The following FRMPD2 variants were observed in gnomAD, a reference collection of about 807,000 sequenced individuals.
FRMPD2 encodes the protein FERM and PDZ domain-containing protein 2.
In FRMPD2, 96 loss-of-function variants were observed where a neutral mutation model predicts 140.1. The ratio of observed to expected loss-of-function variants is 0.69; its 90% CI spans 0.58 to 0.81. FRMPD2 has a LOEUF of 0.81. Ranked by LOEUF, FRMPD2 falls within the 40% of genes least tolerant of loss-of-function variation. The probability of loss-of-function intolerance (pLI) is 0.00; values close to 1 mark genes in which losing one functional copy is unlikely to be tolerated. For synonymous variants in FRMPD2, 449 were observed against 547.6 expected, an observed-to-expected ratio of 0.82 and a Z score of 2.52; for missense variants, 1,240 against 1,447.4, an observed-to-expected ratio of 0.86 and a Z score of 2.32.
Position 48,262,850 on chromosome 10 carries a change from C to G in FRMPD2, c.26-11159G>C, listed in dbSNP as rs538591272. ...AGTACAGTGGTGCAATCTTGGCTCACTAGTAACCTCCACCTCCTGGGTTCA... is the reference window on the plus strand; with the variant it reads ...AGTACAGTGGTGCAATCTTGGCTCAGTAGTAACCTCCACCTCCTGGGTTCA... On this transcript the variant is annotated intron_variant, in intron 1 of 28. Transcript: ENST00000374201. 3.3e-5 allele frequency among the ~76,000 whole-genome samples: 5 copies of G among 152,212 alleles called. No individual in the cohort carries two copies. The South Asian group carries it at 1.0e-3, about 32-fold the overall frequency.
chr10:48,206,786 G>T lies in FRMPD2; in HGVS notation c.1759C>A (p.Arg587=). The T allele has an allele frequency of 1.2e-6, 2 of 1,613,984 alleles. No homozygotes were observed. Among genetic ancestry groups the T allele is most frequent in the South Asian group, 2.2e-5 (2 of 91,060 alleles). ...VKNNSRIAML[R]FQWRETGKIS... is the part of the protein sequence containing the mutation. ...TTCCCGGTTTCTCTCCACTGAAACC[G>T]TAACATTGCAATTCTGCTGTTGTTT... Residue 587 remains arginine (R), a synonymous_variant, in exon 14 of 29, where the codon CGG becomes AGG. Transcript: ENST00000374201.
Position 48,241,927 on chromosome 10 carries a change from G to A in FRMPD2, c.567+234C>T, listed in dbSNP as rs140725515. Reference sequence around the variant, plus strand: ...GTGACAAACTGGGGCTTGCCTAAAGGTCTTTGTTAGCACTGCCCAATAGAA... The same window carrying A: ...GTGACAAACTGGGGCTTGCCTAAAGATCTTTGTTAGCACTGCCCAATAGAA... On this transcript the variant is annotated intron_variant, in intron 5 of 28. Transcript: ENST00000374201. 198 of 306,328 alleles carry A rather than the reference G, an allele frequency of 6.5e-4. 1 individual carries two copies. The highest frequency in any genetic ancestry group is 3.8e-3 in the African/African-American group (181 of 47,280). The allele number at this position is 306,328 out of a possible 1,614,324, so 19.0% of individuals were successfully genotyped here.
chr10:48,182,355 A>G (rs974845050), intron 20 of FRMPD2, among the ~76,000 whole-genome samples: 14 of 152,182 alleles, frequency 9.2e-5, no homozygotes, highest in Non-Finnish European at 1.8e-4. Context: ...CCATGCTGCA[A>G]CTGGTGTCCT....
At chr10:48,182,859 G>A (rs1838585064) in intron 20 of FRMPD2, among the ~76,000 whole-genome samples, 1 of 152,216 alleles carries the variant, frequency 6.6e-6, no homozygotes, top group African/African-American at 2.4e-5. Flanking sequence ...TGGTTTGACT[G>A]CTCCTGTCAG....
intron 10 of FRMPD2, among the ~76,000 whole-genome samples, chr10:48,230,588 A>G (rs1420019980): frequency 6.6e-6 from 1 of 152,232 alleles, no homozygotes; most frequent in Non-Finnish European, 1.5e-5. Flanking sequence ...TTAGTAAACA[A>G]ATTTGTCTTA....
intron 1 of FRMPD2, among the ~76,000 whole-genome samples, chr10:48,255,999 T>C (rs989870638): frequency 2.0e-5 from 3 of 152,196 alleles, no homozygotes; most frequent in African/African-American, 7.2e-5. Context: ...GTAGGAGCAG[T>C]ATGAATCTTG....
At chr10:48,210,584 A>T (rs1027024026) in intron 13 of FRMPD2, among the ~76,000 whole-genome samples, 1 of 152,082 alleles carries the variant, frequency 6.6e-6, no homozygotes, top group African/African-American at 2.4e-5. Context: ...CTCTGTGACC[A>T]CTCATTATCA....
At chr10:48,224,495 C>T (rs1839679293) in intron 10 of FRMPD2, among the ~76,000 whole-genome samples, 1 of 152,186 alleles carries the variant, frequency 6.6e-6, no homozygotes, top group South Asian at 2.1e-4. Context: ...TGTCACCACA[C>T]CACACTCAGA....
At chr10:48,217,560 A>G (rs539633613) in intron 12 of FRMPD2, among the ~76,000 whole-genome samples, 52 of 152,318 alleles carry the variant, frequency 3.4e-4, no homozygotes, top group African/African-American at 1.2e-3. Context: ...CATTTTTAAA[A>G]CGAATGAGAA....
Position 48,196,504 on chromosome 10 carries a change from C to A in FRMPD2, c.1955-3610G>T, listed in dbSNP as rs553701462. On this transcript the variant is annotated intron_variant, in intron 15 of 28. Coordinates refer to ENST00000374201, the MANE Select transcript of FRMPD2 (RefSeq NM_001018071.4). ...ATCTCTCTCTGTCTGTTTTTGGTGA[C>A]AAGTGGGGTGGGAAGAGAGGGTGCA... 2.6e-5 allele frequency among the ~76,000 whole-genome samples: 4 copies of A among 152,236 alleles called. No individual in the cohort carries two copies. The South Asian group carries it at 8.3e-4, about 32-fold the overall frequency.
chr10:48,235,415 A>G (rs1414075832), intron 9 of FRMPD2, among the ~76,000 whole-genome samples: 1 of 152,224 alleles, frequency 6.6e-6, no homozygotes, highest in African/African-American at 2.4e-5. Flanking sequence ...CAACACTTTC[A>G]GGACTCAGGT....
At chr10:48,183,722 C>T (rs978922687) in intron 20 of FRMPD2, among the ~76,000 whole-genome samples, 2 of 151,628 alleles carry the variant, frequency 1.3e-5, no homozygotes, top group African/African-American at 2.4e-5. Flanking sequence ...TGTGGCAGCG[C>T]GTGCCTGTAA....
At chr10:48,255,387 T>A (rs1010446864) in intron 1 of FRMPD2, among the ~76,000 whole-genome samples, 2 of 152,208 alleles carry the variant, frequency 1.3e-5, no homozygotes, top group African/African-American at 4.8e-5. Context: ...GCCCTTGATC[T>A]TTAGTGCTTC....
At chr10:48,181,907 C>CACACACACACACAT (rs1838562058) in intron 20 of FRMPD2, among the ~76,000 whole-genome samples, 1 of 138,722 alleles carries the variant, frequency 7.2e-6, no homozygotes, top group Non-Finnish European at 1.6e-5. Flanking sequence ...CACACACACA[C>CACACACACACACAT]ACACAGACAC....
intron 1 of FRMPD2, among the ~76,000 whole-genome samples, chr10:48,261,694 C>G (rs1020522308): frequency 2.0e-5 from 3 of 152,126 alleles, no homozygotes; most frequent in Non-Finnish European, 2.9e-5. Context: ...AAGAGAAACT[C>G]AGATCTTAAG....
At chr10:48,224,558 C>T (rs968500901) in intron 10 of FRMPD2, among the ~76,000 whole-genome samples, 1 of 152,208 alleles carries the variant, frequency 6.6e-6, no homozygotes, top group Non-Finnish European at 1.5e-5. Flanking sequence ...TCTGATGCCC[C>T]ACACGGGACT....
intron 1 of FRMPD2, among the ~76,000 whole-genome samples, chr10:48,255,704 A>T (rs1487067189): frequency 6.6e-6 from 1 of 152,166 alleles, no homozygotes; most frequent in Admixed American, 6.5e-5. Flanking sequence ...GGTGTGGGGG[A>T]CATCTTAGCT....
rs540362951 is a variant in FRMPD2 at position 48,234,008 on chromosome 10, C to T, written c.994-1719G>A. ...CAATTCAGCAGGGACAAGCATCTCA[C>T]CCACCCAGCTCCCAAGCCAGGTACC... On this transcript the variant is annotated intron_variant, in intron 9 of 28. Coordinates refer to ENST00000374201, the MANE Select transcript of FRMPD2 (RefSeq NM_001018071.4). Among the ~76,000 whole-genome samples, 8 of 152,372 alleles carry T rather than the reference C, an allele frequency of 5.3e-5. No individual in the cohort carries two copies. The South Asian group carries it at 1.4e-3, about 28-fold the overall frequency.
chr10:48,173,984 C>G (rs1189023346), intron 24 of FRMPD2, among the ~76,000 whole-genome samples: 1 of 152,208 alleles, frequency 6.6e-6, no homozygotes, highest in Non-Finnish European at 1.5e-5. Context: ...AGCCAAGTAC[C>G]CTCTCTACCC....
Sources: allele counts gnomAD v4.1 joint callset (sites outside exome capture counted in the v4.1 genomes callset), GRCh38; gene constraint gnomAD v4.1.1; transcripts MANE v1.5; gene names NCBI Gene and HGNC (gene_info 2026-07-23, HGNC 2026-07-21).